DTNA: variants seen among roughly 807,000 people sequenced by gnomAD.
The protein encoded by DTNA is dystrobrevin alpha.
In DTNA, 43 loss-of-function variants were observed where a neutral mutation model predicts 100.7. The observed-to-expected ratio is 0.43, with a 90% CI of 0.33 to 0.55. The LOEUF (loss-of-function observed/expected upper bound fraction) is 0.55. Ranked by LOEUF, DTNA falls within the 20% of genes least tolerant of loss-of-function variation. DTNA has a pLI of 0.04. For missense variants in DTNA, 798 were observed against 953.9 expected, an observed-to-expected ratio of 0.84 and a Z score of 2.15; for synonymous variants, 349 against 347.9, an observed-to-expected ratio of 1.00 and a Z score of -0.04.
chr18:34,633,153 ATTC>A (rs1479509936), intron 1 of DTNA, among the ~76,000 whole-genome samples: 3 of 152,202 alleles, frequency 2.0e-5, no homozygotes, highest in Non-Finnish European at 4.4e-5. Flanking sequence ...GATTAAGACA[ATTC>A]TTTACAGCCT....
At chr18:34,631,340 G>A (rs1226097480) in intron 1 of DTNA, among the ~76,000 whole-genome samples, 1 of 152,082 alleles carries the variant, frequency 6.6e-6, no homozygotes, top group Non-Finnish European at 1.5e-5. Context: ...CTCATAGAAA[G>A]CCCTATATAA....
chr18:34,806,329 T>C (rs2095359915), intron 5 of DTNA, 25 bp downstream of exon 5: 1 of 1,607,086 alleles, frequency 6.2e-7, no homozygotes, highest in African/African-American at 1.3e-5. Flanking sequence ...CTTGTGTGTC[T>C]GTTTGCTTTT....
chr18:34,700,592 C>T (rs1021858453), intron 1 of DTNA, among the ~76,000 whole-genome samples: 4 of 152,216 alleles, frequency 2.6e-5, no homozygotes, highest in African/African-American at 9.6e-5. Context: ...TGAACTCACT[C>T]ACCTGATTTA....
chr18:34,494,358 C>T (rs2038934376), intron 1 of DTNA, among the ~76,000 whole-genome samples: 3 of 9,768 alleles, frequency 3.1e-4, no homozygotes, highest in Non-Finnish European at 2.0e-4. Flanking sequence ...CTCCGGGCCC[C>T]GGGGACGGGG....
chr18:34,553,303 C>T (rs1195239095), intron 1 of DTNA, among the ~76,000 whole-genome samples: 6 of 151,566 alleles, frequency 4.0e-5, no homozygotes, highest in East Asian at 1.9e-4. Flanking sequence ...GAGTAGGTTG[C>T]GAAAATTTTC....
intron 1 of DTNA, among the ~76,000 whole-genome samples, chr18:34,715,739 TA>T (rs2083912125): frequency 6.6e-5 from 10 of 152,236 alleles, no homozygotes; most frequent in Middle Eastern, 3.4e-3. Context: ...TTACTCCTTC[TA>T]GAATATGTTA....
intron 1 of DTNA, among the ~76,000 whole-genome samples, chr18:34,634,346 A>G (rs1331400210): frequency 6.6e-6 from 1 of 152,196 alleles, no homozygotes; most frequent in East Asian, 1.9e-4. Flanking sequence ...TAAGAAATTT[A>G]AAATTTTTTT....
chr18:34,658,927 G>A lies in DTNA; in HGVS notation c.-1-97049G>A, dbSNP rs187248160. Among the ~76,000 whole-genome samples, 374 of 152,314 alleles carry A rather than the reference G, an allele frequency of 2.5e-3. 2 individuals are homozygous for A. The highest frequency in any genetic ancestry group is 8.4e-3 in the African/African-American group (351 of 41,568). On this transcript the variant is annotated intron_variant, in intron 1 of 19. Coordinates refer to the DTNA transcript ENST00000283365. ...TTTCTCCACTGTAACCACGGCTGAG[G>A]CCTAATGACAATTCAGGGTAGAATA... is the stretch of plus-strand genomic sequence containing the variant.
chr18:34,605,655 AC>A (rs2052923164), intron 1 of DTNA, among the ~76,000 whole-genome samples: 1 of 151,924 alleles, frequency 6.6e-6, no homozygotes, highest in Non-Finnish European at 1.5e-5. Context: ...ACACACACAC[AC>A]ACACACACAC....
intron 1 of DTNA, among the ~76,000 whole-genome samples, chr18:34,584,461 G>T (rs116558402): frequency 0.012 from 1,874 of 152,164 alleles, 34 homozygotes; most frequent in African/African-American, 0.041. Context: ...AGAAATTAGA[G>T]AAAATTTAAT....
chr18:34,509,994 A>G (rs1406166856), intron 1 of DTNA, among the ~76,000 whole-genome samples: 4 of 151,956 alleles, frequency 2.6e-5, no homozygotes, highest in East Asian at 1.9e-4. Flanking sequence ...AAAGCAAAAT[A>G]ATCTAACTTC....
At chr18:34,503,477 C>T (rs1164748884) in intron 1 of DTNA, among the ~76,000 whole-genome samples, 2 of 151,556 alleles carry the variant, frequency 1.3e-5, no homozygotes, top group African/African-American at 4.8e-5. Flanking sequence ...TTAGTAGAGA[C>T]AGGGTTCCAC....
At chr18:34,822,343 C>T (rs2095744738) in intron 9 of DTNA, 1 of 152,212 alleles carries the variant, frequency 6.6e-6, no homozygotes, top group Admixed American at 6.5e-5. Flanking sequence ...TGAATGACCA[C>T]AGCGAAGTGA....
intron 1 of DTNA, among the ~76,000 whole-genome samples, chr18:34,596,106 T>C (rs2050546819): frequency 6.6e-6 from 1 of 152,244 alleles, no homozygotes; most frequent in East Asian, 1.9e-4. Flanking sequence ...CCAAGGGCTT[T>C]TAAAAGTGAC....
intron 1 of DTNA, among the ~76,000 whole-genome samples, chr18:34,517,919 T>A (rs1262445714): frequency 6.6e-6 from 1 of 152,150 alleles, no homozygotes; most frequent in Non-Finnish European, 1.5e-5. Flanking sequence ...CATCTGTGAA[T>A]AGGTTTGTGT....
chr18:34,598,478 G>C (rs1264162482), intron 1 of DTNA, among the ~76,000 whole-genome samples: 1 of 152,280 alleles, frequency 6.6e-6, no homozygotes, highest in Non-Finnish European at 1.5e-5. Context: ...ACACTGGGTT[G>C]TTTTCAAATC....
chr18:34,616,526 A>C lies in DTNA; in HGVS notation c.-2+123012A>C, dbSNP rs76328291. On this transcript the variant is annotated intron_variant, in intron 1 of 19. Coordinates refer to the DTNA transcript ENST00000283365. ...GTACCAGTACCATGCTGTTTTGGTT[A>C]CTGCAGCCTAGTAGTATGGTTTAAA... Among the ~76,000 whole-genome samples the C allele has an allele frequency of 1.8e-4, 28 of 152,330 alleles. No homozygotes were observed. The East Asian group carries it at 4.1e-3, about 22-fold the overall frequency.
chr18:34,669,118 G>A (rs2076368867), intron 1 of DTNA, among the ~76,000 whole-genome samples: 1 of 152,110 alleles, frequency 6.6e-6, no homozygotes, highest in Admixed American at 6.6e-5. Flanking sequence ...TCCTGTATTG[G>A]GTGCATATAT....
intron 5 of DTNA, among the ~76,000 whole-genome samples, chr18:34,807,317 C>A (rs2095386420): frequency 6.6e-6 from 1 of 152,136 alleles, no homozygotes; most frequent in Admixed American, 6.5e-5. Context: ...AGCTATGTGA[C>A]TAATTTGCTG....
Sources: allele counts gnomAD v4.1 joint callset (sites outside exome capture counted in the v4.1 genomes callset), GRCh38; gene constraint gnomAD v4.1.1; transcripts MANE v1.5; gene names NCBI Gene and HGNC (gene_info 2026-07-23, HGNC 2026-07-21).